ATXN7L1: variants seen among roughly 807,000 people sequenced by gnomAD.
The protein encoded by ATXN7L1 is ataxin-7-like protein 1.
A neutral mutation model predicts 70.8 loss-of-function variants in ATXN7L1; 15 were observed. The ratio of observed to expected loss-of-function variants is 0.21; its 90% CI spans 0.14 to 0.33. The LOEUF (loss-of-function observed/expected upper bound fraction) is 0.33. Among genes scored for constraint, ATXN7L1 ranks in the 10% least tolerant of loss-of-function variants. ATXN7L1 has a pLI of 1.00. For synonymous variants in ATXN7L1, 440 were observed against 445.1 expected (o/e 0.99, Z 0.14); for missense variants, 975 against 1,097.1 (o/e 0.89, Z 1.57).
At chr7:105,860,735 C>T (rs779757596) in intron 2 of ATXN7L1, among the ~76,000 whole-genome samples, 1 of 152,108 alleles carries the variant, frequency 6.6e-6, no homozygotes, top group Non-Finnish European at 1.5e-5. Flanking sequence ...TATTTTACCA[C>T]AATTTTCTTA....
intron 3 of ATXN7L1, among the ~76,000 whole-genome samples, chr7:105,750,403 G>T (rs903746445): frequency 1.3e-5 from 2 of 151,520 alleles, no homozygotes; most frequent in East Asian, 3.9e-4. Flanking sequence ...AGTTTCTTGA[G>T]TAGCTAGGAC....
chr7:105,856,097 A>G (rs552267559), intron 2 of ATXN7L1, among the ~76,000 whole-genome samples: 2 of 152,326 alleles, frequency 1.3e-5, no homozygotes, highest in African/African-American at 4.8e-5. Flanking sequence ...CTAACAATCA[A>G]GTGAAGTTTT....
intron 10 of ATXN7L1, chr7:105,613,369 C>T (rs1033415461): frequency 1.6e-4 from 78 of 474,382 alleles, no homozygotes; most frequent in Non-Finnish European, 2.0e-4. Context: ...ACCCGGGAGC[C>T]GGGCACAGGC....
At chr7:105,783,802 TAAG>T (rs1803876850) in intron 3 of ATXN7L1, among the ~76,000 whole-genome samples, 1 of 152,300 alleles carries the variant, frequency 6.6e-6, no homozygotes, top group East Asian at 1.9e-4. Context: ...TTATTGAACA[TAAG>T]GAGGGGTGTG....
chr7:105,729,244 C>T (rs1433230282), intron 3 of ATXN7L1, among the ~76,000 whole-genome samples: 1 of 151,348 alleles, frequency 6.6e-6, no homozygotes, highest in African/African-American at 2.4e-5. Context: ...ACATTCCAGC[C>T]TGGGTGACAC....
chr7:105,835,155 T>G (rs1388492943), intron 2 of ATXN7L1, among the ~76,000 whole-genome samples: 1 of 138,574 alleles, frequency 7.2e-6, no homozygotes, highest in Non-Finnish European at 1.6e-5. Context: ...TGTGGTTTTT[T>G]TTTTTTTTTT....
rs1408769996 is a variant in ATXN7L1 at position 105,855,461 on chromosome 7, G to A, written c.250+20351C>T. Among the ~76,000 whole-genome samples the A allele has an allele frequency of 2.6e-5, 4 of 152,186 alleles. No homozygotes were observed. The East Asian group carries it at 7.7e-4, about 29-fold the overall frequency. On this transcript the variant is annotated intron_variant, in intron 2 of 11. Transcript: ENST00000419735. The stretch of plus-strand genomic sequence containing the variant: ...TGGAGGATATCCTACGTAACAGTGT[G>A]CTGATGCATATCTCTTCCCAACTCT...
chr7:105,687,962 C>G (rs905925474), intron 3 of ATXN7L1, among the ~76,000 whole-genome samples: 1 of 152,212 alleles, frequency 6.6e-6, no homozygotes, highest in Admixed American at 6.5e-5. Context: ...CTTCGGTGCT[C>G]TCATAATGTT....
At chr7:105,704,584 C>CTTTTTTTT (rs11329205) in intron 3 of ATXN7L1, among the ~76,000 whole-genome samples, 2 of 89,490 alleles carry the variant, frequency 2.2e-5, no homozygotes, top group East Asian at 3.6e-4. Context: ...GGTTTTATCT[C>CTTTTTTTT]TTTTTTTTTT....
chr7:105,632,655 G>T (rs938904278), intron 7 of ATXN7L1, among the ~76,000 whole-genome samples: 5 of 152,072 alleles, frequency 3.3e-5, no homozygotes, highest in Non-Finnish European at 7.4e-5. Flanking sequence ...GAGTGCAGTG[G>T]TTCACATCTG....
Position 105,870,237 on chromosome 7 carries a change from G to A in ATXN7L1, c.250+5575C>T, listed in dbSNP as rs189582862. On this transcript the variant is annotated intron_variant, in intron 2 of 11. Transcript: ENST00000419735. ...GTGGAGGTCGCAGTGAGCTGAGATC[G>A]CACCACTGCACTCCAGCCTGGGTGA... 4.6e-3 allele frequency among the ~76,000 whole-genome samples: 680 copies of A among 147,620 alleles called. 5 individuals are homozygous for A. The highest frequency in any genetic ancestry group is 0.017 in the Middle Eastern group (5 of 288).
rs777109603 is a variant in ATXN7L1 at position 105,819,523 on chromosome 7, G to A, written c.251-30815C>T. 465 of 1,345,660 alleles carry A rather than the reference G, an allele frequency of 3.5e-4. 1 individual carries two copies. Among genetic ancestry groups the A allele is most frequent in the Admixed American group, 4.2e-4 (25 of 59,310 alleles). 83.4% of individuals were successfully genotyped at this position (1,345,660 alleles called of 1,614,324 possible). A position where few individuals can be genotyped will look rare whatever the true frequency, so the allele number is the denominator to read the frequency against. On this transcript the variant is annotated intron_variant, in intron 2 of 11. Transcript: ENST00000419735. ...GAGGGGCAGGTCCTGGTGCTTGATGGTCGAGGCCATCTCCTGGGCCGCCTG... is the reference window on the plus strand; with the variant it reads ...GAGGGGCAGGTCCTGGTGCTTGATGATCGAGGCCATCTCCTGGGCCGCCTG...
At chr7:105,683,611 G>A (rs754016159) in intron 3 of ATXN7L1, among the ~76,000 whole-genome samples, 2 of 152,122 alleles carry the variant, frequency 1.3e-5, no homozygotes, top group Non-Finnish European at 2.9e-5. Context: ...GGAGGTGGAG[G>A]TTGTCGTGAG....
chr7:105,714,397 C>T (rs1173188745), intron 3 of ATXN7L1, among the ~76,000 whole-genome samples: 1 of 152,206 alleles, frequency 6.6e-6, no homozygotes, highest in Non-Finnish European at 1.5e-5. Context: ...TTACAAGCTC[C>T]TTGGATGAGT....
chr7:105,761,551 C>G, intron 3 of ATXN7L1: 2 of 1,521,476 alleles, frequency 1.3e-6, no homozygotes, highest in Non-Finnish European at 1.8e-6. Context: ...ATTACTCATG[C>G]CAATTGCCAT....
At chr7:105,761,503 T>C (rs1800542924) in intron 3 of ATXN7L1, 1 of 1,610,486 alleles carries the variant, frequency 6.2e-7, no homozygotes, top group Non-Finnish European at 8.5e-7. Context: ...TGCTGAATGG[T>C]ATCAACATGG....
At chr7:105,710,901 C>G (rs924515175) in intron 3 of ATXN7L1, among the ~76,000 whole-genome samples, 1 of 152,128 alleles carries the variant, frequency 6.6e-6, no homozygotes, top group Non-Finnish European at 1.5e-5. Flanking sequence ...TACAGTTCCA[C>G]ATGGCTGGAG....
chr7:105,642,899 G>A lies in ATXN7L1; in HGVS notation c.801C>T (p.Thr267=). The change falls in exon 5 of 12, where the codon ACC becomes ACT. Residue 267 remains threonine (T), a synonymous_variant. Transcript: ENST00000419735. ...TGCCATTTTGGTGTTTCTTGTCTAT[G>A]GTGGTTGGCAGAATTCCTTTGCCAT... The part of the protein sequence containing the change: ...ILNGKGILPT[T]IDKKHQNGTK... 6.4e-7 allele frequency: 1 copy of A among 1,551,720 alleles called. No individual in the cohort carries two copies. Among genetic ancestry groups the A allele is most frequent in the Non-Finnish European group, 8.7e-7 (1 of 1,147,008 alleles).
chr7:105,727,922 T>C (rs1796104468), intron 3 of ATXN7L1, among the ~76,000 whole-genome samples: 1 of 150,874 alleles, frequency 6.6e-6, no homozygotes, highest in Non-Finnish European at 1.5e-5. Context: ...TATGTATGTT[T>C]AGGGTAGGGA....
Sources: gnomAD v4.1 joint callset for allele counts (sites outside exome capture counted in the v4.1 genomes callset) on GRCh38, gnomAD v4.1.1 for gene constraint, MANE v1.5 for transcripts, NCBI Gene and HGNC (gene_info 2026-07-23, HGNC 2026-07-21) for gene names.